OPCML: variants seen among roughly 807,000 people sequenced by gnomAD.
OPCML encodes the protein opioid-binding protein/cell adhesion molecule.
A neutral mutation model predicts 37.8 loss-of-function variants in OPCML; 13 were observed. The ratio of observed to expected loss-of-function variants is 0.34; its 90% CI spans 0.22 to 0.55. The LOEUF (loss-of-function observed/expected upper bound fraction) is 0.55, where lower values mean the gene tolerates loss of function less well. Among genes scored for constraint, OPCML ranks in the 20% least tolerant of loss-of-function variants. OPCML has a pLI of 0.91. For missense variants in OPCML, 341 were observed against 435.6 expected, an observed-to-expected ratio of 0.78 and a Z score of 1.93; for synonymous variants, 176 against 168.8, an observed-to-expected ratio of 1.04 and a Z score of -0.33.
chr11:133,467,278 A>C (rs1339731742), intron 1 of OPCML, among the ~76,000 whole-genome samples: 1 of 152,178 alleles, frequency 6.6e-6, no homozygotes, highest in Non-Finnish European at 1.5e-5. Flanking sequence ...AAAATACAAC[A>C]GGATTCGATA....
chr11:133,376,875 A>C (rs1944814999), intron 1 of OPCML, among the ~76,000 whole-genome samples: 1 of 152,222 alleles, frequency 6.6e-6, no homozygotes, highest in African/African-American at 2.4e-5. Flanking sequence ...AATATAGGAC[A>C]TGTCGGTGTA....
At chr11:132,635,883 A>G (rs1940462349) in intron 3 of OPCML, among the ~76,000 whole-genome samples, 1 of 152,192 alleles carries the variant, frequency 6.6e-6, no homozygotes, top group African/African-American at 2.4e-5. Context: ...GTTGAACTTC[A>G]GGAAGCAGCT....
chr11:132,658,068 G>A (rs1941789862), intron 2 of OPCML, among the ~76,000 whole-genome samples: 4 of 152,172 alleles, frequency 2.6e-5, no homozygotes, highest in Admixed American at 2.6e-4. Flanking sequence ...ACACAAACAA[G>A]GCCTGTGTGT....
chr11:133,213,898 C>A (rs1005355635), intron 1 of OPCML, among the ~76,000 whole-genome samples: 1 of 152,114 alleles, frequency 6.6e-6, no homozygotes, highest in African/African-American at 2.4e-5. Flanking sequence ...AGTAGCGTGT[C>A]ACTATAATGT....
intron 4 of OPCML, among the ~76,000 whole-genome samples, chr11:132,489,017 CT>C (rs1199378546): frequency 1.3e-4 from 20 of 152,286 alleles, no homozygotes; most frequent in East Asian, 9.6e-4. Flanking sequence ...GGTAAAAGGT[CT>C]TTTTGACTTT....
rs142449016 is a variant in OPCML, at chr11:132,803,677, C to T, written c.146+139249G>A. Among the ~76,000 whole-genome samples the T allele has an allele frequency of 1.1e-3, 164 of 152,264 alleles. 1 individual carries two copies. The highest frequency in any genetic ancestry group is 3.7e-3 in the African/African-American group (154 of 41,546). ...ATCATTTCCCCTTGCTTAGTCACTA[C>T]CCACTTTCCACCAGAAGGTAGCATA... On this transcript the variant is annotated intron_variant, in intron 2 of 7. Coordinates refer to ENST00000524381, the MANE Select transcript of OPCML (RefSeq NM_001012393.5).
intron 4 of OPCML, among the ~76,000 whole-genome samples, chr11:132,513,912 AT>A (rs2096274240): frequency 6.6e-6 from 1 of 152,202 alleles, no homozygotes; most frequent in Admixed American, 6.5e-5. Context: ...AATTTTATTT[AT>A]TCTTCTGTTT....
chr11:132,762,809 C>A (rs1446804289), intron 2 of OPCML, among the ~76,000 whole-genome samples: 1 of 152,082 alleles, frequency 6.6e-6, no homozygotes, highest in Non-Finnish European at 1.5e-5. Flanking sequence ...AGCCCCCTTT[C>A]CAGGGGAGTT....
At chr11:132,689,787 C>A (rs1309336402) in intron 2 of OPCML, among the ~76,000 whole-genome samples, 1 of 152,144 alleles carries the variant, frequency 6.6e-6, no homozygotes, top group Non-Finnish European at 1.5e-5. Flanking sequence ...ATGAAATAAG[C>A]TTTGTAAAAT....
At chr11:132,934,209 C>A (rs1325133866) in intron 2 of OPCML, among the ~76,000 whole-genome samples, 1 of 152,110 alleles carries the variant, frequency 6.6e-6, no homozygotes, top group Admixed American at 6.5e-5. Context: ...AACCACTAGG[C>A]CAGTCAGAGC....
At chr11:133,364,266 T>G (rs546306242) in intron 1 of OPCML, among the ~76,000 whole-genome samples, 2 of 152,336 alleles carry the variant, frequency 1.3e-5, no homozygotes, top group East Asian at 3.9e-4. Flanking sequence ...CTACCAGCTA[T>G]TGCAGAATGG....
chr11:133,245,960 C>T (rs2136421897), intron 1 of OPCML, among the ~76,000 whole-genome samples: 1 of 152,100 alleles, frequency 6.6e-6, no homozygotes, highest in South Asian at 2.1e-4. Context: ...CACACTGGGT[C>T]CTATTTGGGG....
At chr11:133,183,593 C>T (rs1300282535) in intron 1 of OPCML, among the ~76,000 whole-genome samples, 2 of 152,144 alleles carry the variant, frequency 1.3e-5, no homozygotes, top group African/African-American at 4.8e-5. Flanking sequence ...TAAGGATCTA[C>T]TATACTGAAA....
intron 2 of OPCML, among the ~76,000 whole-genome samples, chr11:132,898,832 T>C (rs1307914188): frequency 4.7e-5 from 7 of 149,284 alleles, no homozygotes; most frequent in Admixed American, 4.0e-4. Context: ...ACTGGAAGTT[T>C]AGACTGCCCC....
Position 132,589,155 on chromosome 11 carries a change from A to G in OPCML, c.380-59969T>C, listed in dbSNP as rs958719976. On this transcript the variant is annotated intron_variant, in intron 3 of 7. Coordinates refer to ENST00000524381, the MANE Select transcript of OPCML (RefSeq NM_001012393.5). ...GTCTGAAGAATATGCAATCCATCTA[A>G]TATTCTGAGTATCATAGATTTTAGA... is the stretch of plus-strand genomic sequence containing the variant. 9.9e-5 allele frequency among the ~76,000 whole-genome samples: 15 copies of G among 152,170 alleles called. 1 individual carries two copies. Among genetic ancestry groups the G allele is most frequent in the African/African-American group, 3.1e-4 (13 of 41,444 alleles).
chr11:132,880,974 C>A (rs1399267567), intron 2 of OPCML, among the ~76,000 whole-genome samples: 1 of 152,212 alleles, frequency 6.6e-6, no homozygotes, highest in East Asian at 1.9e-4. Context: ...AGACTAATAG[C>A]ATAGTGGAAC....
chr11:133,422,034 G>T, intron 1 of OPCML: 1 of 529,216 alleles, frequency 1.9e-6, no homozygotes. Context: ...TTGTTACATA[G>T]GTGTATACGT....
intron 1 of OPCML, among the ~76,000 whole-genome samples, chr11:133,149,401 C>T (rs1949942987): frequency 6.6e-6 from 1 of 152,196 alleles, no homozygotes; most frequent in Admixed American, 6.5e-5. Flanking sequence ...TTTAGCCTGC[C>T]TCTTTAAGCC....
At chr11:132,997,884 A>T (rs527238541) in intron 1 of OPCML, among the ~76,000 whole-genome samples, 7 of 152,284 alleles carry the variant, frequency 4.6e-5, no homozygotes, top group Admixed American at 2.6e-4. Flanking sequence ...CTATCCTTAG[A>T]TTCATTAAAG....
Sources: gnomAD v4.1 joint callset for allele counts (sites outside exome capture counted in the v4.1 genomes callset) on GRCh38, gnomAD v4.1.1 for gene constraint, MANE v1.5 for transcripts, NCBI Gene and HGNC (gene_info 2026-07-23, HGNC 2026-07-21) for gene names.